Variants in AFF1 observed in about 807,000 individuals in gnomAD.
The protein encoded by AFF1 is ALF transcription elongation factor 1.
Under a neutral mutation model 121.7 loss-of-function variants are expected in AFF1, and 48 were observed. That is an observed-to-expected ratio of 0.39 (90% confidence interval 0.31 to 0.50). The LOEUF (loss-of-function observed/expected upper bound fraction) is 0.50, where lower values mean the gene tolerates loss of function less well. AFF1 is among the 20% of genes least tolerant of loss of function. The probability of loss-of-function intolerance (pLI) is 0.76; values close to 1 mark genes in which losing one functional copy is unlikely to be tolerated. For missense variants in AFF1, 1,523 were observed against 1,511.7 expected (o/e 1.01, Z -0.12); for synonymous variants, 613 against 563.0 (o/e 1.09, Z -1.26).
chr4:86,977,868 A>T (rs1004606192), intron 2 of AFF1, among the ~76,000 whole-genome samples: 1 of 152,290 alleles, frequency 6.6e-6, no homozygotes, highest in South Asian at 2.1e-4. Context: ...GCACGTTGCT[A>T]TGGGAGAGTG....
At chr4:87,027,267 G>A (rs1460362161) in intron 2 of AFF1, among the ~76,000 whole-genome samples, 1 of 152,240 alleles carries the variant, frequency 6.6e-6, no homozygotes, top group Non-Finnish European at 1.5e-5. Context: ...GCAAAAAGCA[G>A]AAGCCAGAGA....
chr4:87,131,663 T>A (rs570703012), intron 17 of AFF1, 130 bp from the exon 18 acceptor site: 4 of 812,032 alleles, frequency 4.9e-6, no homozygotes, highest in South Asian at 3.6e-5. Flanking sequence ...CTTGGGTTTT[T>A]AAATTTTTTT....
chr4:87,010,824 A>G (rs1322497959), intron 2 of AFF1, among the ~76,000 whole-genome samples: 1 of 152,138 alleles, frequency 6.6e-6, no homozygotes, highest in African/African-American at 2.4e-5. Flanking sequence ...GTGGTGGCTC[A>G]CGCCTGTAAT....
chr4:87,097,491 G>A (rs889800547), intron 8 of AFF1, among the ~76,000 whole-genome samples: 2 of 152,184 alleles, frequency 1.3e-5, no homozygotes, highest in Non-Finnish European at 2.9e-5. Context: ...CAAATCAGAG[G>A]TGCCTGAAAG....
chr4:87,054,302 C>T (rs1731542104), intron 4 of AFF1, among the ~76,000 whole-genome samples: 1 of 152,192 alleles, frequency 6.6e-6, no homozygotes, highest in Non-Finnish European at 1.5e-5. Context: ...CTCAAGAAGC[C>T]CCCCGACATG....
At chr4:86,992,862 G>T (rs1315453204) in intron 2 of AFF1, among the ~76,000 whole-genome samples, 1 of 152,144 alleles carries the variant, frequency 6.6e-6, no homozygotes, top group African/African-American at 2.4e-5. Flanking sequence ...TTATTAATCA[G>T]CTTTTTGTTC....
Position 87,126,096 on chromosome 4 carries a change from C to T in AFF1, c.2574-3C>T. The T allele has an allele frequency of 6.2e-7, 1 of 1,613,590 alleles. No individual in the cohort carries two copies. Reference sequence around the variant, plus strand: ...CTTAGTTTTACGTGATGTTTCACTCCAGGCCCTCCAGGCCCTCCTCACAGT... The same window carrying T: ...CTTAGTTTTACGTGATGTTTCACTCTAGGCCCTCCAGGCCCTCCTCACAGT... On this transcript the variant is annotated splice_region_variant and splice_polypyrimidine_tract_variant and intron_variant, in intron 13 of 20. Coordinates refer to ENST00000395146, the MANE Select transcript of AFF1 (RefSeq NM_001166693.3).
chr4:87,021,352 A>G (rs536874093), intron 2 of AFF1, among the ~76,000 whole-genome samples: 39 of 152,332 alleles, frequency 2.6e-4, no homozygotes, highest in African/African-American at 8.4e-4. Flanking sequence ...CCACTCATTT[A>G]TCTTGGAGAC....
At chr4:87,007,451 C>A (rs369984199) in intron 2 of AFF1, 1 of 1,613,982 alleles carries the variant, frequency 6.2e-7, no homozygotes, top group East Asian at 2.2e-5. Flanking sequence ...AGAAACTTTT[C>A]AAACGCGTTC....
At chr4:87,048,041 C>A (rs1408962473) in intron 4 of AFF1, 1 of 181,314 alleles carries the variant, frequency 5.5e-6, no homozygotes, top group African/African-American at 2.4e-5. Context: ...TTGATTAATA[C>A]CTCCTCAGAC....
At chr4:86,942,721 G>C (rs1720553881) in intron 1 of AFF1, among the ~76,000 whole-genome samples, 1 of 152,156 alleles carries the variant, frequency 6.6e-6, no homozygotes, top group South Asian at 2.1e-4. Context: ...GTCAGGCAAA[G>C]CCACACCTTC....
chr4:87,083,343 C>T (rs1723359650), intron 4 of AFF1, among the ~76,000 whole-genome samples: 1 of 152,094 alleles, frequency 6.6e-6, no homozygotes, highest in South Asian at 2.1e-4. Flanking sequence ...CTGAAAAAAA[C>T]TTTGTGTGCG....
At chr4:86,952,805 T>A (rs966772441) in intron 2 of AFF1, among the ~76,000 whole-genome samples, 12 of 151,244 alleles carry the variant, frequency 7.9e-5, no homozygotes, top group African/African-American at 2.9e-4. Flanking sequence ...CTCAGCCTCC[T>A]GAGTAGCTGG....
chr4:87,082,193 T>C (rs181841678), intron 4 of AFF1, among the ~76,000 whole-genome samples: 1 of 152,358 alleles, frequency 6.6e-6, no homozygotes, highest in East Asian at 1.9e-4. Flanking sequence ...GTGCTTGTTC[T>C]ATTGATTCAC....
chr4:87,072,334 G>T (rs1162195498), intron 4 of AFF1, among the ~76,000 whole-genome samples: 1 of 137,188 alleles, frequency 7.3e-6, no homozygotes, highest in Non-Finnish European at 1.5e-5. Flanking sequence ...CTGCACTCCA[G>T]CCTGGGCAAC....
intron 4 of AFF1, among the ~76,000 whole-genome samples, chr4:87,070,358 C>G (rs1015280373): frequency 6.6e-6 from 1 of 152,138 alleles, no homozygotes; most frequent in African/African-American, 2.4e-5. Context: ...AGGCTGGTCT[C>G]GAACTCCTGA....
intron 2 of AFF1, among the ~76,000 whole-genome samples, chr4:86,981,335 C>T (rs1022244015): frequency 6.6e-6 from 1 of 151,984 alleles, no homozygotes; most frequent in African/African-American, 2.4e-5. Context: ...TTGTATAGTT[C>T]TGATATGCAC....
chr4:87,113,578 C>G (rs1726780125), intron 11 of AFF1, among the ~76,000 whole-genome samples: 1 of 152,192 alleles, frequency 6.6e-6, no homozygotes, highest in South Asian at 2.1e-4. Flanking sequence ...GAATGTTTGA[C>G]TTTTAAAGAG....
At chr4:87,110,998 A>ATTTTTT (rs1263757983) in intron 11 of AFF1, among the ~76,000 whole-genome samples, 4 of 81,046 alleles carry the variant, frequency 4.9e-5, no homozygotes, top group Admixed American at 1.4e-4. Context: ...CTTAAACTTT[A>ATTTTTT]TTTTTTTTTT....
Sources: gnomAD v4.1 joint callset for allele counts (sites outside exome capture counted in the v4.1 genomes callset) on GRCh38, gnomAD v4.1.1 for gene constraint, MANE v1.5 for transcripts, NCBI Gene and HGNC (gene_info 2026-07-23, HGNC 2026-07-21) for gene names.